RARB: variants seen among roughly 807,000 people sequenced by gnomAD.
RARB encodes the protein retinoic acid receptor beta, also known as HBV-activated protein.
Under a neutral mutation model 51.9 loss-of-function variants are expected in RARB, and 17 were observed. The ratio of observed to expected loss-of-function variants is 0.33; its 90% CI spans 0.22 to 0.49. RARB has a LOEUF of 0.49. Among genes scored for constraint, RARB ranks in the 20% least tolerant of loss-of-function variants. The pLI is 0.99. For synonymous variants in RARB, 215 were observed against 195.4 expected (o/e 1.10, Z -0.84); for missense variants, 369 against 550.8 (o/e 0.67, Z 3.30).
chr3:25,265,348 CA>C (rs1203599696), intron 5 of RARB, among the ~76,000 whole-genome samples: 1 of 152,214 alleles, frequency 6.6e-6, no homozygotes. Flanking sequence ...TTGATAAATA[CA>C]TACATAATTG....
rs201193958 is a variant in RARB, at chr3:25,203,619, C to A, written c.178+29044C>A. Among the ~76,000 whole-genome samples the A allele has an allele frequency of 3.9e-3, 596 of 152,280 alleles. 10 individuals carry two copies. The highest frequency in any genetic ancestry group is 0.03 in the East Asian group (154 of 5,180). On this transcript the variant is annotated intron_variant, in intron 5 of 11. Transcript: ENST00000383772. ...GCTTCCTTCAGGAGCTCTTGTAGGG[C>A]AGGCCTGGTGGTGACAAAATCTCTC...
intron 5 of RARB, among the ~76,000 whole-genome samples, chr3:25,407,656 G>C (rs985669111): frequency 5.3e-5 from 8 of 151,958 alleles, no homozygotes; most frequent in Non-Finnish European, 1.2e-4. Flanking sequence ...CACACACACA[G>C]AATTGCAGAT....
intron 5 of RARB, among the ~76,000 whole-genome samples, chr3:25,283,340 G>A (rs1227969452): frequency 1.3e-5 from 2 of 152,260 alleles, no homozygotes; most frequent in Admixed American, 6.5e-5. Context: ...CTCAACGTGT[G>A]GGCCTCTTCC....
Position 24,985,436 on chromosome 3 carries a change from T to A in RARB, c.-379-74689T>A, listed in dbSNP as rs184393687. Among the ~76,000 whole-genome samples, 572 of 152,014 alleles carry A rather than the reference T, an allele frequency of 3.8e-3. 4 individuals are homozygous for A. Among genetic ancestry groups the A allele is most frequent in the African/African-American group, 0.013 (551 of 41,432 alleles). On this transcript the variant is annotated intron_variant, in intron 2 of 11. Transcript: ENST00000383772. ...AAACAGAATTCTGTGACTTTTCTGA[T>A]AAACGTCAAGGGAAAAAACAGACAA...
At chr3:25,243,177 G>C (rs1452829181) in intron 5 of RARB, among the ~76,000 whole-genome samples, 2 of 152,162 alleles carry the variant, frequency 1.3e-5, no homozygotes, top group African/African-American at 4.8e-5. Flanking sequence ...AGACTTTGCT[G>C]AAGTTACTTA....
intron 5 of RARB, among the ~76,000 whole-genome samples, chr3:25,413,533 T>C (rs1707622746): frequency 6.6e-6 from 1 of 152,200 alleles, no homozygotes; most frequent in Non-Finnish European, 1.5e-5. Context: ...GAAGCTATAT[T>C]AGGTTTCAGT....
intron 3 of RARB, among the ~76,000 whole-genome samples, chr3:25,116,703 T>C (rs1394987524): frequency 6.6e-6 from 1 of 152,072 alleles, no homozygotes; most frequent in African/African-American, 2.4e-5. Context: ...TTGAATTACC[T>C]GGCAGTTACC....
chr3:25,194,879 C>T (rs1440071218), intron 5 of RARB, among the ~76,000 whole-genome samples: 4 of 151,926 alleles, frequency 2.6e-5, no homozygotes, highest in African/African-American at 9.7e-5. Flanking sequence ...CATTCAGTGA[C>T]ATTCTCTTCT....
intron 5 of RARB, among the ~76,000 whole-genome samples, chr3:25,366,538 A>G (rs1197029306): frequency 5.3e-5 from 8 of 152,210 alleles, no homozygotes; most frequent in Non-Finnish European, 1.2e-4. Flanking sequence ...AAAACTGATG[A>G]AACCAGAACT....
chr3:25,503,943 A>G (rs1288799766), intron 3 of RARB, among the ~76,000 whole-genome samples: 2 of 152,224 alleles, frequency 1.3e-5, no homozygotes, highest in Non-Finnish European at 2.9e-5. Flanking sequence ...CAGCAGTCCC[A>G]ACTGGCTGAA....
At chr3:24,863,745 A>G (rs990592227) in intron 2 of RARB, among the ~76,000 whole-genome samples, 2 of 150,206 alleles carry the variant, frequency 1.3e-5, no homozygotes, top group Non-Finnish European at 1.5e-5. Flanking sequence ...CTTTATCTTC[A>G]CTTTCCTCCT....
chr3:25,056,373 C>T (rs1440194246), intron 2 of RARB, among the ~76,000 whole-genome samples: 1 of 152,130 alleles, frequency 6.6e-6, no homozygotes, highest in African/African-American at 2.4e-5. Flanking sequence ...AGAATACTGG[C>T]TCAAAAGTAT....
intron 5 of RARB, among the ~76,000 whole-genome samples, chr3:25,290,417 C>T (rs11916207): frequency 0.088 from 13,381 of 152,148 alleles, 714 homozygotes; most frequent in South Asian, 0.21. Context: ...TGATTTCACA[C>T]TGCTAGCCTC....
At chr3:24,863,307 T>G (rs1702789135) in intron 2 of RARB, among the ~76,000 whole-genome samples, 1 of 152,210 alleles carries the variant, frequency 6.6e-6, no homozygotes, top group African/African-American at 2.4e-5. Flanking sequence ...ATGCTTTGTT[T>G]ATAACCAGAG....
intron 5 of RARB, among the ~76,000 whole-genome samples, chr3:25,188,035 C>G (rs2125361609): frequency 6.6e-6 from 1 of 152,058 alleles, no homozygotes; most frequent in Middle Eastern, 3.4e-3. Context: ...TGGAAATATT[C>G]AATGGGATAA....
At chr3:25,425,678 C>T (rs1707969350), upstream of RARB, among the ~76,000 whole-genome samples, 1 of 152,076 alleles carries the variant, frequency 6.6e-6, no homozygotes, top group African/African-American at 2.4e-5. Flanking sequence ...CAACCTTTAC[C>T]ACACACAGAG....
intron 2 of RARB, among the ~76,000 whole-genome samples, chr3:24,885,987 G>C (rs974926974): frequency 7.2e-5 from 11 of 152,162 alleles, no homozygotes; most frequent in African/African-American, 2.7e-4. Context: ...GGACTTTCAA[G>C]GGTAATCTTG....
At chr3:25,451,133 G>C (rs1025964153) in intron 1 of RARB, among the ~76,000 whole-genome samples, 4 of 152,194 alleles carry the variant, frequency 2.6e-5, no homozygotes, top group Non-Finnish European at 4.4e-5. Context: ...CCTAGATTAA[G>C]GAAGGTGGAA....
intron 2 of RARB, among the ~76,000 whole-genome samples, chr3:24,910,340 A>G (rs376681026): frequency 1.3e-5 from 2 of 152,178 alleles, no homozygotes; most frequent in African/African-American, 4.8e-5. Context: ...CAGTCCCGCT[A>G]ATACTAATGT....
Sources: allele counts gnomAD v4.1 joint callset (sites outside exome capture counted in the v4.1 genomes callset), GRCh38; gene constraint gnomAD v4.1.1; transcripts MANE v1.5; gene names NCBI Gene and HGNC (gene_info 2026-07-23, HGNC 2026-07-21).